The following PUM1 variants were observed in gnomAD, a reference collection of about 807,000 sequenced individuals.
The protein encoded by PUM1 is pumilio RNA binding family member 1, also known as pumilio homolog 1.
In PUM1, 13 loss-of-function variants were observed where a neutral mutation model predicts 131.8. The ratio of observed to expected loss-of-function variants is 0.10; its 90% CI spans 0.06 to 0.16. PUM1 has a LOEUF of 0.16. PUM1 is among the 10% of genes least tolerant of loss of function. The probability of loss-of-function intolerance (pLI) is 1.00; values close to 1 mark genes in which losing one functional copy is unlikely to be tolerated. For synonymous variants in PUM1, 509 were observed against 556.5 expected (o/e 0.91, Z 1.20); for missense variants, 961 against 1,512.4 (o/e 0.64, Z 6.05).
intron 6 of PUM1, among the ~76,000 whole-genome samples, chr1:30,993,249 T>C (rs17263905): frequency 0.28 from 43,044 of 151,476 alleles, 6,580 homozygotes; most frequent in Non-Finnish European, 0.34. Context: ...GAACTCATTA[T>C]CTAGGATATG....
chr1:31,010,017 T>G (rs978586022), intron 3 of PUM1, among the ~76,000 whole-genome samples: 4 of 152,112 alleles, frequency 2.6e-5, no homozygotes, highest in Admixed American at 6.6e-5. Context: ...TAAGCGAGGC[T>G]ATTTTCAGGG....
At chr1:31,041,074 G>A (rs1053131057) in intron 2 of PUM1, among the ~76,000 whole-genome samples, 2 of 151,980 alleles carry the variant, frequency 1.3e-5, no homozygotes, top group East Asian at 3.9e-4. Flanking sequence ...AACTATTGTC[G>A]GCAGAAACAG....
intron 9 of PUM1, among the ~76,000 whole-genome samples, chr1:30,978,260 A>C (rs1345904360): frequency 6.6e-6 from 1 of 152,202 alleles, no homozygotes; most frequent in Non-Finnish European, 1.5e-5. Flanking sequence ...AAAAAACAAA[A>C]AACAACAAAT....
At chr1:30,991,375 C>A (rs74358629) in intron 7 of PUM1, among the ~76,000 whole-genome samples, 1 of 152,112 alleles carries the variant, frequency 6.6e-6, no homozygotes, top group Non-Finnish European at 1.5e-5. Flanking sequence ...TGTTCATAAA[C>A]GACACAGGAG....
At chr1:31,054,108 AAAAAAAAAAAAAGG>A (rs1644178896) in intron 2 of PUM1, among the ~76,000 whole-genome samples, 1 of 148,996 alleles carries the variant, frequency 6.7e-6, no homozygotes, top group South Asian at 2.1e-4. Context: ...AAAAAAAAAA[AAAAAAAAAAAAAGG>A]AGTTTGAGAC....
intron 2 of PUM1, 56 bp from the exon 3 acceptor site, chr1:31,028,920 T>A: frequency 7.7e-7 from 1 of 1,296,570 alleles, no homozygotes; most frequent in East Asian, 2.3e-5. Context: ...GAATTTTACA[T>A]ACACATTACA....
intron 2 of PUM1, among the ~76,000 whole-genome samples, chr1:31,054,382 G>A (rs573650494): frequency 4.6e-5 from 7 of 152,062 alleles, no homozygotes; most frequent in Non-Finnish European, 7.4e-5. Flanking sequence ...GAGTAATTAC[G>A]AGAGAAATAA....
Position 30,966,028 on chromosome 1 carries a change from A to G in PUM1, c.2040T>C (p.Ser680=), listed in dbSNP as rs1640607068. 1 of 1,614,072 alleles carries G rather than the reference A, an allele frequency of 6.2e-7. No homozygotes were observed. The change falls in exon 13 of 22, where the codon TCT becomes TCC. Residue 680 remains serine, a synonymous_variant. Coordinates refer to ENST00000426105, the MANE Select transcript of PUM1 (RefSeq NM_001020658.2). ...NTSLGFGSSS[S]LGATLGSALG... ...GGGCGGATCCCAGGGTGGCGCCGAG[A>G]GAACTGCTACTTCCGAATCCCAAGG...
At chr1:31,046,173 G>C (rs2124579742) in intron 2 of PUM1, among the ~76,000 whole-genome samples, 1 of 152,014 alleles carries the variant, frequency 6.6e-6, no homozygotes, top group Non-Finnish European at 1.5e-5. Flanking sequence ...GATCACCTGA[G>C]GTCGGGAGGT....
intron 14 of PUM1, among the ~76,000 whole-genome samples, chr1:30,958,269 C>T (rs535539274): frequency 9.2e-5 from 14 of 152,248 alleles, no homozygotes; most frequent in African/African-American, 2.9e-4. Flanking sequence ...AAACTAAATG[C>T]TTTTTAGTTT....
In PUM1 at chr1:30,934,689, G is replaced by C. The variant is rs141901041; in HGVS notation, c.3436-1347C>G. ...AATGTTTCTGTCATGAGAACTTGAG[G>C]TTCAAGATCCCCTTGCTTTTGGTAG... On this transcript the variant is annotated intron_variant, in intron 21 of 21. Coordinates refer to ENST00000426105, the MANE Select transcript of PUM1 (RefSeq NM_001020658.2). 5.3e-5 allele frequency among the ~76,000 whole-genome samples: 8 copies of C among 152,276 alleles called. No homozygotes were observed. In the East Asian group the frequency reaches 1.5e-3, roughly 29 times the overall value.
At chr1:31,002,936 C>A (rs1642268125) in intron 5 of PUM1, among the ~76,000 whole-genome samples, 3 of 152,202 alleles carry the variant, frequency 2.0e-5, no homozygotes, top group African/African-American at 7.2e-5. Context: ...CCATAACCAG[C>A]AAAGTTCACT....
At chr1:30,958,585 TAA>T (rs1327440857) in intron 14 of PUM1, among the ~76,000 whole-genome samples, 1 of 152,120 alleles carries the variant, frequency 6.6e-6, no homozygotes, top group Non-Finnish European at 1.5e-5. Context: ...GGGAGTAGGA[TAA>T]AGAGATCCAT....
At chr1:30,957,103 C>CACAT (rs1340038012) in intron 14 of PUM1, among the ~76,000 whole-genome samples, 1 of 151,640 alleles carries the variant, frequency 6.6e-6, no homozygotes, top group African/African-American at 2.4e-5. Flanking sequence ...CACACACACA[C>CACAT]ACACACACAC....
intron 2 of PUM1, among the ~76,000 whole-genome samples, chr1:31,054,713 T>C (rs970164357): frequency 1.3e-5 from 2 of 152,170 alleles, no homozygotes; most frequent in African/African-American, 4.8e-5. Context: ...CATTACTGCT[T>C]TTGGGAGTTG....
chr1:30,967,212 C>T lies in PUM1; in HGVS notation c.1744G>A (p.Val582Ile), dbSNP rs1640658696. The T allele has an allele frequency of 6.2e-7, 1 of 1,614,190 alleles. No individual in the cohort carries two copies. Among genetic ancestry groups the T allele is most frequent in the African/African-American group, 1.3e-5 (1 of 75,042 alleles). Residue 582 changes from valine (V) to isoleucine (I), a missense_variant, in exon 12 of 22, where the codon GTA becomes ATA. Val to Ile is a conservative substitution (Grantham distance 29). This residue lies in a region of PUM1 where 654 missense variants were observed against 923.9 expected (regional missense o/e 0.71). Transcript: ENST00000426105. ...CTAATGATGACTGGGGCAGGAGCTACAAGTCGAACAGGAGCTCCAAGACCA... is the reference window on the plus strand; with the variant it reads ...CTAATGATGACTGGGGCAGGAGCTATAAGTCGAACAGGAGCTCCAAGACCA... ...RNGLGAPVRL[V>I]APAPVIISSS...
chr1:31,042,569 C>T (rs1461795607), intron 2 of PUM1, among the ~76,000 whole-genome samples: 2 of 152,192 alleles, frequency 1.3e-5, no homozygotes, highest in Non-Finnish European at 2.9e-5. Flanking sequence ...CTCAAAATGG[C>T]AGACCAAGCT....
At chr1:31,025,834 G>C (rs1415169497) in intron 3 of PUM1, among the ~76,000 whole-genome samples, 3 of 152,024 alleles carry the variant, frequency 2.0e-5, no homozygotes, top group Non-Finnish European at 2.9e-5. Context: ...GGCATTCCAG[G>C]CGTGAGCCAC....
Position 30,933,090 on chromosome 1 carries a change from A to T in PUM1, c.*121T>A. 1 of 1,261,844 alleles carries T rather than the reference A, an allele frequency of 7.9e-7. No individual in the cohort carries two copies. Among genetic ancestry groups the T allele is most frequent in the South Asian group, 1.7e-5 (1 of 58,292 alleles). 78.2% of individuals were successfully genotyped at this position (1,261,844 alleles called of 1,614,324 possible). A position where few individuals can be genotyped will look rare whatever the true frequency, so the allele number is the denominator to read the frequency against. The stretch of plus-strand genomic sequence containing the variant: ...TGATTCCTTTTTTGGAGGAGGGAGT[A>T]ATCCTGGAGCAACCACTTGCCCGTC... On this transcript the variant is annotated 3_prime_UTR_variant, in exon 22 of 22. Coordinates refer to ENST00000426105, the MANE Select transcript of PUM1 (RefSeq NM_001020658.2).
Sources: allele counts gnomAD v4.1 joint callset (sites outside exome capture counted in the v4.1 genomes callset), GRCh38; gene constraint gnomAD v4.1.1; regional missense constraint gnomAD v4.1.1; transcripts MANE v1.5; gene names NCBI Gene and HGNC (gene_info 2026-07-23, HGNC 2026-07-21).